Variants in IL1RAPL1 observed in about 807,000 individuals in gnomAD.
The protein encoded by IL1RAPL1 is interleukin 1 receptor accessory protein like 1, also known as interleukin-1 receptor accessory protein-like 1.
Under a neutral mutation model 48.4 loss-of-function variants are expected in IL1RAPL1, and 3 were observed. That is an observed-to-expected ratio of 0.06 (90% CI 0.03 to 0.16). IL1RAPL1 has a LOEUF of 0.16. IL1RAPL1 is among the 10% of genes least tolerant of loss of function. The pLI, the probability that IL1RAPL1 is intolerant of heterozygous loss-of-function variation, is 1.00. For synonymous variants in IL1RAPL1, 185 were observed against 187.7 expected (o/e 0.99, Z 0.12); for missense variants, 349 against 530.6 (o/e 0.66, Z 3.36).
At chrX:28,810,943 T>C (rs760153515) in intron 2 of IL1RAPL1, among the ~76,000 whole-genome samples, 1 of 110,061 alleles carries the variant, frequency 9.1e-6, no homozygotes, top group African/African-American at 3.3e-5. Flanking sequence ...CCAGTTTTTC[T>C]TTTTTTTCTA....
chrX:29,819,933 A>T (rs1193759647), intron 6 of IL1RAPL1, among the ~76,000 whole-genome samples: 1 of 104,916 alleles, frequency 9.5e-6, no homozygotes, highest in Non-Finnish European at 1.9e-5. Flanking sequence ...AAATGTGTCC[A>T]CTAATACAGT....
intron 5 of IL1RAPL1, among the ~76,000 whole-genome samples, chrX:29,404,636 T>C (rs1934032593): frequency 8.9e-6 from 1 of 112,077 alleles, no homozygotes; most frequent in Non-Finnish European, 1.9e-5. Context: ...GTTACTGTTA[T>C]TTTAAACAAA....
At chrX:29,584,917 T>G (rs1486193747) in intron 5 of IL1RAPL1, among the ~76,000 whole-genome samples, 3 of 112,140 alleles carry the variant, frequency 2.7e-5, no homozygotes. Context: ...CTGTGAAACA[T>G]TTTATCCTCT....
intron 2 of IL1RAPL1, among the ~76,000 whole-genome samples, chrX:29,217,142 G>C (rs1022860418): frequency 8.9e-6 from 1 of 112,190 alleles, no homozygotes. Context: ...AGGACAGGCA[G>C]GGTTGTTTAT....
chrX:29,003,287 GTTTAAC>G (rs1370993655), intron 2 of IL1RAPL1, among the ~76,000 whole-genome samples: 2 of 111,397 alleles, frequency 1.8e-5, no homozygotes, highest in Non-Finnish European at 1.9e-5. Context: ...ATTTACTAGA[GTTTAAC>G]TTTATTTACT....
At chrX:29,243,791 G>C (rs759942474) in intron 2 of IL1RAPL1, among the ~76,000 whole-genome samples, 16 of 111,477 alleles carry the variant, frequency 1.4e-4, no homozygotes, top group Admixed American at 8.6e-4. Context: ...CTCATTTAGG[G>C]ACTGTACTGA....
intron 3 of IL1RAPL1, among the ~76,000 whole-genome samples, chrX:29,387,674 T>TTG (rs1933796450): frequency 8.9e-6 from 1 of 112,088 alleles, no homozygotes; most frequent in Non-Finnish European, 1.9e-5. Context: ...ACACATCTGT[T>TTG]TGCCGTATAT....
chrX:29,266,941 G>T (rs1386515671), intron 2 of IL1RAPL1, among the ~76,000 whole-genome samples: 1 of 111,655 alleles, frequency 9.0e-6, no homozygotes, highest in African/African-American at 3.3e-5. Context: ...TAGGTTACTT[G>T]CCTGCATAGG....
intron 2 of IL1RAPL1, among the ~76,000 whole-genome samples, chrX:29,178,270 T>C (rs1355822676): frequency 1.8e-5 from 2 of 112,013 alleles, no homozygotes; most frequent in African/African-American, 6.5e-5. Flanking sequence ...TTTCTGACTT[T>C]TGAATGATCA....
intron 1 of IL1RAPL1, among the ~76,000 whole-genome samples, chrX:28,762,786 G>GCA (rs759005946): frequency 0.048 from 2,993 of 62,724 alleles, 51 homozygotes; most frequent in African/African-American, 0.056. Context: ...GCACGCGCGC[G>GCA]CACACACACA....
rs187584132 is a variant in IL1RAPL1 at position 29,841,467 on chromosome X, G to A, written c.779-75997G>A. On this transcript the variant is annotated intron_variant, in intron 6 of 10. Coordinates refer to ENST00000378993, the MANE Select transcript of IL1RAPL1 (RefSeq NM_014271.4). ...TGAGCATGTAAAAAGGCCAAAATTCGGGGTTTTGGCTATACTTGAATAGAC... is the reference window on the plus strand; with the variant it reads ...TGAGCATGTAAAAAGGCCAAAATTCAGGGTTTTGGCTATACTTGAATAGAC... Among the ~76,000 whole-genome samples, 5 of 110,861 alleles carry A rather than the reference G, an allele frequency of 4.5e-5. No individual in the cohort carries two copies. The East Asian group carries it at 1.1e-3, about 25-fold the overall frequency.
At chrX:28,604,189 C>T (rs1034548943) in intron 1 of IL1RAPL1, among the ~76,000 whole-genome samples, 14 of 111,549 alleles carry the variant, frequency 1.3e-4, no homozygotes, top group African/African-American at 4.6e-4. Flanking sequence ...TAAGAAGAAG[C>T]TTTAAAAAAA....
At chrX:29,372,034 T>A (rs1408555208) in intron 3 of IL1RAPL1, among the ~76,000 whole-genome samples, 2 of 112,405 alleles carry the variant, frequency 1.8e-5, no homozygotes, top group Non-Finnish European at 3.8e-5. Context: ...TAATTTACAT[T>A]CCCACCAAAA....
chrX:28,833,129 C>T (rs1449752063), intron 2 of IL1RAPL1, among the ~76,000 whole-genome samples: 1 of 110,993 alleles, frequency 9.0e-6, no homozygotes, highest in Non-Finnish European at 1.9e-5. Flanking sequence ...CATGTTGCTG[C>T]AAAGGACATG....
chrX:29,667,142 T>C (rs1274878291), intron 5 of IL1RAPL1, among the ~76,000 whole-genome samples: 1 of 112,277 alleles, frequency 8.9e-6, no homozygotes, highest in East Asian at 2.8e-4. Flanking sequence ...TCTGTCCTCT[T>C]GTTAAATAGT....
intron 2 of IL1RAPL1, among the ~76,000 whole-genome samples, chrX:29,080,994 T>TCTCTC (rs1927809544): frequency 1.9e-3 from 51 of 26,427 alleles, no homozygotes; most frequent in East Asian, 4.1e-3. Context: ...CTTTCTTTCT[T>TCTCTC]TCTCTCTCTC....
chrX:29,803,308 C>T (rs12381658), intron 6 of IL1RAPL1, among the ~76,000 whole-genome samples: 4 of 22,129 alleles, frequency 1.8e-4, no homozygotes, highest in African/African-American at 4.2e-4. Context: ...TACATATACA[C>T]ACATGTATAT....
Position 28,958,725 on chromosome X carries a change from A to G in IL1RAPL1, c.82+169300A>G, listed in dbSNP as rs760237394. ...AGGGTTAGAGGATCTCATGTCATCAAACAGACCCCCACCAACAGGAGCAGA... is the reference window on the plus strand; with the variant it reads ...AGGGTTAGAGGATCTCATGTCATCAGACAGACCCCCACCAACAGGAGCAGA... On this transcript the variant is annotated intron_variant, in intron 2 of 10. Transcript: ENST00000378993. 1.5e-4 allele frequency among the ~76,000 whole-genome samples: 17 copies of G among 111,728 alleles called. No homozygotes were observed. The South Asian group carries it at 6.0e-3, about 39-fold the overall frequency.
At chrX:29,611,999 G>A (rs1320305197) in intron 5 of IL1RAPL1, among the ~76,000 whole-genome samples, 2 of 110,940 alleles carry the variant, frequency 1.8e-5, no homozygotes, top group Admixed American at 9.6e-5. Context: ...TCTGTCCATG[G>A]AGCCTAGGGT....
Sources: allele counts gnomAD v4.1 joint callset (sites outside exome capture counted in the v4.1 genomes callset), GRCh38; gene constraint gnomAD v4.1.1; transcripts MANE v1.5; gene names NCBI Gene and HGNC (gene_info 2026-07-23, HGNC 2026-07-21).